The following NEMP2 variants were observed in gnomAD, a reference collection of about 807,000 sequenced individuals.
The protein encoded by NEMP2 is UPF0571 transmembrane protein.
NEMP2 carries 53 observed loss-of-function variants against 54.2 expected under a neutral mutation model. The ratio of observed to expected loss-of-function variants is 0.98; its 90% CI spans 0.78 to 1.23. The LOEUF (loss-of-function observed/expected upper bound fraction) is 1.23. NEMP2 is among the 50% of genes most tolerant of loss of function. The pLI, the probability that NEMP2 is intolerant of heterozygous loss-of-function variation, is 0.00. For missense variants in NEMP2, 455 were observed against 511.3 expected, an observed-to-expected ratio of 0.89 and a Z score of 1.06; for synonymous variants, 197 against 190.3, an observed-to-expected ratio of 1.04 and a Z score of -0.29.
the NEMP2 span, among the ~76,000 whole-genome samples, chr2:190,422,596 T>C: frequency 1.3e-5 from 2 of 152,212 alleles, no homozygotes; most frequent in East Asian, 1.9e-4. Flanking sequence ...CTGATGCTTA[T>C]TATGTGAAAT....
At chr2:190,488,167 C>T in the NEMP2 span, among the ~76,000 whole-genome samples, 1 of 152,346 alleles carries the variant, frequency 6.6e-6, no homozygotes. This position sits in a 1 kb window ranked among gnomAD's most constrained non-coding sequence, Gnocchi z 6.4. Context: ...TCCCAAAGTG[C>T]TGGGATTACA....
At chr2:190,560,138 G>C in the NEMP2 span, among the ~76,000 whole-genome samples, 1 of 152,204 alleles carries the variant, frequency 6.6e-6, no homozygotes, top group Admixed American at 6.5e-5. The surrounding 1 kb of genome is among the most constrained non-coding windows in gnomAD (Gnocchi z 5.4). Context: ...GTGAGTTGCT[G>C]TGTTAGAGAT....
chr2:190,631,237 A>G, the NEMP2 span, among the ~76,000 whole-genome samples: 1 of 152,204 alleles, frequency 6.6e-6, no homozygotes, highest in Admixed American at 6.5e-5. Context: ...CAACCAAAGG[A>G]AATAGATTAG....
At chr2:190,601,656 G>A in the NEMP2 span, among the ~76,000 whole-genome samples, 32 of 152,236 alleles carry the variant, frequency 2.1e-4, no homozygotes, top group Admixed American at 5.2e-4. The surrounding 1 kb of genome is among the most constrained non-coding windows in gnomAD (Gnocchi z 5.8). Flanking sequence ...GATACTTAAC[G>A]CAAATGATAA....
the NEMP2 span, chr2:190,436,578 T>C: frequency 1.2e-6 from 2 of 1,614,238 alleles, no homozygotes; most frequent in African/African-American, 2.7e-5. This position sits in a 1 kb window ranked among gnomAD's most constrained non-coding sequence, Gnocchi z 5.3. Context: ...CAACAAATTC[T>C]TCCTTTACCT....
In NEMP2 at chr2:190,531,362, T is replaced by A. The variant is rs1691137443; in HGVS notation, c.97+3197A>T. 6.6e-6 allele frequency among the ~76,000 whole-genome samples: 1 copy of A among 152,192 alleles called. No individual in the cohort carries two copies. The highest frequency in any genetic ancestry group is 2.4e-5 in the African/African-American group (1 of 41,440). On this transcript the variant is annotated intron_variant, in intron 1 of 8. Coordinates refer to ENST00000409150, the MANE Select transcript of NEMP2 (RefSeq NM_001142645.2). This position sits in a 1 kb window ranked among gnomAD's most constrained non-coding sequence, Gnocchi z 4.7. ...CAAGGACTGAGGAGTATCTGTGGGA[T>A]CAACCCTGAATGCCATCCTTACTAT... is the stretch of plus-strand genomic sequence containing the variant.
chr2:190,536,669 C>G (rs1018840858), upstream of NEMP2, among the ~76,000 whole-genome samples: 5 of 152,132 alleles, frequency 3.3e-5, no homozygotes, highest in African/African-American at 7.2e-5. Flanking sequence ...GGGGAGAGAC[C>G]TCTCTGTAAC....
the NEMP2 span, chr2:190,437,302 A>G: frequency 9.9e-6 from 16 of 1,614,108 alleles, no homozygotes; most frequent in East Asian, 2.2e-5. This position sits in a 1 kb window ranked among gnomAD's most constrained non-coding sequence, Gnocchi z 5.9. Context: ...GGAGACACCA[A>G]CCACCACAAG....
chr2:190,533,881 C>G lies in NEMP2; in HGVS notation c.97+678G>C. ...CCCAGGTGTCCTTCCCAGATCCTTC[C>G]CCAGTGTGCCAGCATCTTAAGCCCA... is the stretch of plus-strand genomic sequence containing the variant. On this transcript the variant is annotated intron_variant, in intron 1 of 8. Coordinates refer to ENST00000409150, the MANE Select transcript of NEMP2 (RefSeq NM_001142645.2). This position sits in a 1 kb window ranked among gnomAD's most constrained non-coding sequence, Gnocchi z 4.3. The G allele has an allele frequency of 2.7e-6, 2 of 727,904 alleles. No homozygotes were observed. The allele number at this position is 727,904 out of a possible 1,614,324, so 45.1% of individuals were successfully genotyped here. A position where few individuals can be genotyped will look rare whatever the true frequency, so the allele number is the denominator to read the frequency against.
At chr2:190,627,532 A>C in the NEMP2 span, among the ~76,000 whole-genome samples, 1 of 152,216 alleles carries the variant, frequency 6.6e-6, no homozygotes, top group Non-Finnish European at 1.5e-5. The surrounding 1 kb of genome is among the most constrained non-coding windows in gnomAD (Gnocchi z 4.4). Flanking sequence ...CTTAACAAGT[A>C]ATAACATATT....
chr2:190,505,800 G>T lies in NEMP2; in HGVS notation c.*3389C>A, dbSNP rs1574284139. 3 of 152,328 alleles carry T rather than the reference G, an allele frequency of 2.0e-5. No individual in the cohort carries two copies. The highest frequency in any genetic ancestry group is 2.0e-4 in the Admixed American group (3 of 15,308). The allele number at this position is 152,328 out of a possible 1,614,324, so 9.4% of individuals were successfully genotyped here. A position where few individuals can be genotyped will look rare whatever the true frequency, so the allele number is the denominator to read the frequency against. On this transcript the variant is annotated 3_prime_UTR_variant, in exon 9 of 9. Transcript: ENST00000409150. The surrounding 1 kb of genome is among the most constrained non-coding windows in gnomAD (Gnocchi z 5.8). ...CAGCAGTCACAGAGAGGAAAAAGTTGGCAGGACCTGCATAAAGGAAGGCGT... is the reference window on the plus strand; with the variant it reads ...CAGCAGTCACAGAGAGGAAAAAGTTTGCAGGACCTGCATAAAGGAAGGCGT...
At position 190,506,536 on chromosome 2, in the gene NEMP2, T is replaced by G. The variant is rs1228268848; in HGVS notation, c.*2653A>C. Reference sequence around the variant, plus strand: ...AATCTAAATATATGAAATTTCCAGATTTTTTTAAAAAGTCATAAATTGAAA... The same window carrying G: ...AATCTAAATATATGAAATTTCCAGAGTTTTTTAAAAAGTCATAAATTGAAA... On this transcript the variant is annotated 3_prime_UTR_variant, in exon 9 of 9. Coordinates refer to ENST00000409150, the MANE Select transcript of NEMP2 (RefSeq NM_001142645.2). The surrounding 1 kb of genome is among the most constrained non-coding windows in gnomAD (Gnocchi z 6.3). The G allele has an allele frequency of 6.6e-6, 1 of 152,206 alleles. No individual in the cohort carries two copies. Among genetic ancestry groups the G allele is most frequent in the Non-Finnish European group, 1.5e-5 (1 of 68,038 alleles). 9.4% of individuals were successfully genotyped at this position (152,206 alleles called of 1,614,324 possible).
At chr2:190,495,880 T>A in the NEMP2 span, among the ~76,000 whole-genome samples, 1 of 152,222 alleles carries the variant, frequency 6.6e-6, no homozygotes, top group South Asian at 2.1e-4. The surrounding 1 kb of genome is among the most constrained non-coding windows in gnomAD (Gnocchi z 4.7). Flanking sequence ...GACCTGAAAC[T>A]TAAAATTCTA....
the NEMP2 span, among the ~76,000 whole-genome samples, chr2:190,555,145 C>T: frequency 6.6e-6 from 1 of 152,158 alleles, no homozygotes; most frequent in Admixed American, 6.5e-5. This position sits in a 1 kb window ranked among gnomAD's most constrained non-coding sequence, Gnocchi z 4.8. Context: ...AGGACATCCA[C>T]TCAGAGACCC....
chr2:190,623,557 T>A, the NEMP2 span, among the ~76,000 whole-genome samples: 2 of 152,150 alleles, frequency 1.3e-5, no homozygotes, highest in African/African-American at 4.8e-5. Context: ...CAAGAACATA[T>A]ATCAGAGACA....
rs373593274 is a variant in NEMP2, at chr2:190,510,410, G to A, written c.1081C>T (p.Pro361Ser). Reference protein sequence around the residue: ...LEELRRACRKPDFPSWLVVSR... With the variant: ...LEELRRACRKSDFPSWLVVSR... ...ACGACCAGCCATGAGGGAAAGTCGGGTTTTCGGCAGGCCCGGCGTAGCTCC... is the reference window on the plus strand; with the variant it reads ...ACGACCAGCCATGAGGGAAAGTCGGATTTTCGGCAGGCCCGGCGTAGCTCC... Residue 361 changes from proline to serine, a missense_variant, in exon 8 of 9, where the codon CCC becomes TCC. This residue lies in a region of NEMP2 where 294 missense variants were observed against 333.6 expected (regional missense o/e 0.88). Transcript: ENST00000409150. The surrounding 1 kb of genome is among the most constrained non-coding windows in gnomAD (Gnocchi z 5.7). 1.4e-5 allele frequency: 21 copies of A among 1,551,606 alleles called. No homozygotes were observed. The highest frequency in any genetic ancestry group is 5.9e-5 in the Admixed American group (3 of 50,990).
At chr2:190,475,420 A>C in the NEMP2 span, among the ~76,000 whole-genome samples, 1 of 152,184 alleles carries the variant, frequency 6.6e-6, no homozygotes, top group Non-Finnish European at 1.5e-5. Flanking sequence ...ATATACCAGT[A>C]ACAGCCAAAC....
downstream of NEMP2, chr2:190,499,926 T>C: frequency 1.9e-6 from 3 of 1,590,806 alleles, no homozygotes; most frequent in Middle Eastern, 1.7e-4. The surrounding 1 kb of genome is among the most constrained non-coding windows in gnomAD (Gnocchi z 6.0). Flanking sequence ...GATCTCCCCA[T>C]GTTTCCTGTC....
At chr2:190,591,691 A>G in the NEMP2 span, among the ~76,000 whole-genome samples, 1 of 152,206 alleles carries the variant, frequency 6.6e-6, no homozygotes, top group African/African-American at 2.4e-5. The surrounding 1 kb of genome is among the most constrained non-coding windows in gnomAD (Gnocchi z 5.4). Flanking sequence ...GCTACTGCTC[A>G]TGGAAACCTT....
Sources: allele counts gnomAD v4.1 joint callset (sites outside exome capture counted in the v4.1 genomes callset), GRCh38; gene constraint gnomAD v4.1.1; regional missense constraint gnomAD v4.1.1; non-coding constraint Gnocchi (gnomAD v3.1); transcripts MANE v1.5; gene names NCBI Gene and HGNC (gene_info 2026-07-23, HGNC 2026-07-21).